The following SLC39A11 variants were observed in gnomAD, a reference collection of about 807,000 sequenced individuals.
The protein encoded by SLC39A11 is solute carrier family 39 member 11, also known as zinc transporter ZIP11.
SLC39A11 carries 33 observed loss-of-function variants against 36.1 expected under a neutral mutation model. The ratio of observed to expected loss-of-function variants is 0.91; its 90% CI spans 0.69 to 1.22. The LOEUF is 1.22. Among genes scored for constraint, SLC39A11 ranks in the 50% most tolerant of loss-of-function variants. SLC39A11 has a pLI of 0.00. For missense variants in SLC39A11, 432 were observed against 430.3 expected, an observed-to-expected ratio of 1.00 and a Z score of -0.03; for synonymous variants, 166 against 170.3, an observed-to-expected ratio of 0.97 and a Z score of 0.20.
chr17:72,819,582 G>A (rs1568142723), intron 6 of SLC39A11, among the ~76,000 whole-genome samples: 4 of 151,256 alleles, frequency 2.6e-5, no homozygotes, highest in Admixed American at 1.3e-4. Context: ...CACTAAGAGC[G>A]AGTGAAGGTG....
chr17:72,760,291 G>C (rs985688027), intron 6 of SLC39A11, among the ~76,000 whole-genome samples: 1 of 152,240 alleles, frequency 6.6e-6, no homozygotes, highest in East Asian at 1.9e-4. Context: ...GCCTCCCAAA[G>C]TGCTGGGACT....
chr17:72,720,108 C>T (rs554198652), intron 7 of SLC39A11, among the ~76,000 whole-genome samples: 104 of 152,218 alleles, frequency 6.8e-4, no homozygotes, highest in Admixed American at 2.3e-3. Flanking sequence ...GGGTCCCGTG[C>T]AGAGCATAAA....
intron 4 of SLC39A11, among the ~76,000 whole-genome samples, chr17:73,029,109 C>T (rs1441733099): frequency 2.2e-5 from 2 of 91,678 alleles, no homozygotes; most frequent in African/African-American, 3.0e-5. Flanking sequence ...CAGAGTGAGA[C>T]GCCGTCACAC....
chr17:72,917,100 G>A (rs561500625), intron 5 of SLC39A11, among the ~76,000 whole-genome samples: 8 of 152,282 alleles, frequency 5.3e-5, no homozygotes, highest in South Asian at 2.1e-4. Flanking sequence ...GACACCCAGC[G>A]GGGGAAGAAT....
intron 4 of SLC39A11, among the ~76,000 whole-genome samples, chr17:72,976,558 A>T (rs986070029): frequency 1.3e-5 from 2 of 152,148 alleles, no homozygotes; most frequent in Admixed American, 6.5e-5. Context: ...AGGCACAGAA[A>T]TGTCTCTGTT....
intron 5 of SLC39A11, among the ~76,000 whole-genome samples, chr17:72,914,799 C>T (rs916271862): frequency 4.6e-5 from 7 of 151,876 alleles, no homozygotes; most frequent in African/African-American, 1.7e-4. Flanking sequence ...ACTCGGGAGG[C>T]GGAGGTTGCA....
intron 4 of SLC39A11, among the ~76,000 whole-genome samples, chr17:72,968,296 G>C (rs1376158063): frequency 6.6e-6 from 1 of 152,214 alleles, no homozygotes; most frequent in East Asian, 1.9e-4. Flanking sequence ...ACAGAGAAGA[G>C]TTTGCCCAGG....
At chr17:72,841,567 T>G in intron 6 of SLC39A11, among the ~76,000 whole-genome samples, 1 of 151,300 alleles carries the variant, frequency 6.6e-6, no homozygotes, top group African/African-American at 2.4e-5. Context: ...AGTCGGGGAG[T>G]CGGGGGAAAG....
chr17:72,910,914 A>G (rs1265242423), intron 5 of SLC39A11, among the ~76,000 whole-genome samples: 15 of 139,292 alleles, frequency 1.1e-4, no homozygotes, highest in Non-Finnish European at 2.0e-4. Context: ...GCAACAGAGC[A>G]AGACTCCACC....
At chr17:72,969,736 C>A (rs1489596822) in intron 4 of SLC39A11, among the ~76,000 whole-genome samples, 2 of 152,172 alleles carry the variant, frequency 1.3e-5, no homozygotes, top group South Asian at 4.1e-4. Flanking sequence ...ACTCATCTCC[C>A]TGGTTACTAG....
At chr17:73,073,860 A>C (rs558271927) in intron 3 of SLC39A11, 1 of 152,228 alleles carries the variant, frequency 6.6e-6, no homozygotes, top group South Asian at 2.1e-4. Context: ...CATAGCTCAG[A>C]GTGACAGCAA....
chr17:72,738,294 G>A (rs1298114913), intron 6 of SLC39A11, among the ~76,000 whole-genome samples: 2 of 152,154 alleles, frequency 1.3e-5, no homozygotes, highest in Admixed American at 6.5e-5. Context: ...ATGAGCCACC[G>A]CACCTGGCCA....
intron 4 of SLC39A11, among the ~76,000 whole-genome samples, chr17:73,031,157 T>C (rs1265178505): frequency 6.6e-6 from 1 of 152,058 alleles, no homozygotes; most frequent in Non-Finnish European, 1.5e-5. Context: ...ATGTGATCCA[T>C]GGTCAAAGGC....
At position 72,918,483 on chromosome 17, in the gene SLC39A11, G is replaced by C. The variant is rs551821851; in HGVS notation, c.430+29269C>G. The stretch of plus-strand genomic sequence containing the variant: ...GTCCACTTAAACTCCTAATGTCCCT[G>C]ATTCACACCTTGCACCCACCCAGTC... On this transcript the variant is annotated intron_variant, in intron 5 of 9. Coordinates refer to ENST00000255559, the MANE Select transcript of SLC39A11 (RefSeq NM_139177.4). Among the ~76,000 whole-genome samples, 10 of 152,292 alleles carry C rather than the reference G, an allele frequency of 6.6e-5. No homozygotes were observed. In the South Asian group the frequency reaches 1.9e-3, roughly 28 times the overall value.
At chr17:72,734,266 C>T (rs945259925) in intron 7 of SLC39A11, among the ~76,000 whole-genome samples, 7 of 152,154 alleles carry the variant, frequency 4.6e-5, no homozygotes, top group African/African-American at 9.7e-5. Context: ...AAACTCTACA[C>T]GTTTTTCAAA....
At chr17:73,005,731 G>A (rs921071032) in intron 4 of SLC39A11, among the ~76,000 whole-genome samples, 3 of 152,148 alleles carry the variant, frequency 2.0e-5, no homozygotes, top group East Asian at 1.9e-4. Context: ...AGCGGATCAC[G>A]AAGTCAGGAG....
chr17:72,679,381 A>G (rs2071409790), intron 7 of SLC39A11, among the ~76,000 whole-genome samples: 1 of 152,164 alleles, frequency 6.6e-6, no homozygotes, highest in African/African-American at 2.4e-5. Flanking sequence ...AAAAATATAG[A>G]CAACAATTAC....
chr17:72,734,053 C>A (rs1301207145), intron 7 of SLC39A11, among the ~76,000 whole-genome samples: 1 of 152,182 alleles, frequency 6.6e-6, no homozygotes, highest in African/African-American at 2.4e-5. Flanking sequence ...GTCCAGGCTA[C>A]AGTTCAGCAC....
intron 5 of SLC39A11, among the ~76,000 whole-genome samples, chr17:72,886,896 T>C (rs2081464184): frequency 6.6e-6 from 1 of 152,172 alleles, no homozygotes. Context: ...GATAATCTCT[T>C]CACACTCACT....
Sources: allele counts gnomAD v4.1 joint callset (sites outside exome capture counted in the v4.1 genomes callset), GRCh38; gene constraint gnomAD v4.1.1; transcripts MANE v1.5; gene names NCBI Gene and HGNC (gene_info 2026-07-23, HGNC 2026-07-21).